SLC12A2: variants seen among roughly 807,000 people sequenced by gnomAD.
SLC12A2 encodes the protein solute carrier family 12 member 2.
A neutral mutation model predicts 136.3 loss-of-function variants in SLC12A2; 67 were observed. The observed-to-expected ratio is 0.49, with a 90% CI of 0.40 to 0.60. The LOEUF (loss-of-function observed/expected upper bound fraction) is 0.60, where lower values mean the gene tolerates loss of function less well. Among genes scored for constraint, SLC12A2 ranks in the 20% least tolerant of loss-of-function variants. The pLI, the probability that SLC12A2 is intolerant of heterozygous loss-of-function variation, is 0.00. For synonymous variants in SLC12A2, 619 were observed against 562.9 expected, an observed-to-expected ratio of 1.10 and a Z score of -1.41; for missense variants, 1,322 against 1,534.7, an observed-to-expected ratio of 0.86 and a Z score of 2.32.
chr5:128,099,692 G>A (rs1760676325), intron 1 of SLC12A2, among the ~76,000 whole-genome samples: 2 of 151,864 alleles, frequency 1.3e-5, no homozygotes, highest in South Asian at 4.1e-4. Context: ...AAAATTTTAG[G>A]TTTGTTTCTT....
At chr5:128,086,863 T>G (rs1041408608) in intron 1 of SLC12A2, among the ~76,000 whole-genome samples, 6 of 152,190 alleles carry the variant, frequency 3.9e-5, no homozygotes, top group Admixed American at 2.6e-4. Context: ...CTAAATTGAC[T>G]TCTACCTCTC....
intron 7 of SLC12A2, among the ~76,000 whole-genome samples, chr5:128,137,123 A>G (rs1762213558): frequency 6.6e-6 from 1 of 152,202 alleles, no homozygotes; most frequent in Non-Finnish European, 1.5e-5. Flanking sequence ...CACAACATTA[A>G]TAGTATATGT....
At chr5:128,118,063 A>C (rs1306252100) in intron 4 of SLC12A2, among the ~76,000 whole-genome samples, 1 of 152,170 alleles carries the variant, frequency 6.6e-6, no homozygotes, top group Non-Finnish European at 1.5e-5. Context: ...AAAATAATAA[A>C]AATAACAGAT....
chr5:128,177,191 A>G (rs748937155), intron 21 of SLC12A2, 39 bp downstream of exon 21: 4 of 1,474,126 alleles, frequency 2.7e-6, no homozygotes, highest in Admixed American at 1.9e-5. Context: ...ACCCTTTTTC[A>G]TACTGTAAAC....
chr5:128,093,611 G>A (rs1421611407), intron 1 of SLC12A2, among the ~76,000 whole-genome samples: 1 of 152,062 alleles, frequency 6.6e-6, no homozygotes, highest in Non-Finnish European at 1.5e-5. Flanking sequence ...AGTCATCCTT[G>A]ACACTTTTCT....
rs372097752 is a variant in SLC12A2, at chr5:128,178,522, T to C, written c.2978-45T>C. 4.2e-6 allele frequency: 6 copies of C among 1,439,552 alleles called. No homozygotes were observed. In the East Asian group the frequency reaches 1.2e-4, roughly 29 times the overall value. 89.2% of individuals were successfully genotyped at this position (1,439,552 alleles called of 1,614,324 possible). On this transcript the variant is annotated intron_variant, in intron 21 of 26. Coordinates refer to ENST00000262461, the MANE Select transcript of SLC12A2 (RefSeq NM_001046.3). ...GATAGGAATTCAGCAAAAGGGACTT[T>C]AATATTTACTTTGCTTACATTTTAT...
At chr5:128,106,862 G>A (rs998183190) in intron 1 of SLC12A2, among the ~76,000 whole-genome samples, 2 of 152,070 alleles carry the variant, frequency 1.3e-5, no homozygotes, top group Non-Finnish European at 2.9e-5. Context: ...CTTAGCCTTA[G>A]AAAAAGTAGC....
chr5:128,132,361 ATAAT>A (rs931703765), intron 5 of SLC12A2, among the ~76,000 whole-genome samples: 2 of 152,208 alleles, frequency 1.3e-5, no homozygotes, highest in African/African-American at 2.4e-5. Context: ...ATTGGATTTG[ATAAT>A]TAATGGGATG....
intron 19 of SLC12A2, among the ~76,000 whole-genome samples, chr5:128,172,654 C>T (rs1763414776): frequency 6.6e-6 from 1 of 152,136 alleles, no homozygotes; most frequent in Non-Finnish European, 1.5e-5. Context: ...ATAATTACTA[C>T]TTTTGCCAAC....
intron 4 of SLC12A2, among the ~76,000 whole-genome samples, chr5:128,130,555 A>G (rs1761980969): frequency 6.8e-6 from 1 of 147,192 alleles, no homozygotes; most frequent in Non-Finnish European, 1.5e-5. Flanking sequence ...GGTGGCACGC[A>G]CCTGTAGTCT....
chr5:128,136,132 C>G (rs1043878367), intron 7 of SLC12A2, among the ~76,000 whole-genome samples: 27 of 152,104 alleles, frequency 1.8e-4, no homozygotes, highest in African/African-American at 6.5e-4. Context: ...ATATGACTTT[C>G]ATTCTTTTAA....
At chr5:128,151,202 G>GA in intron 13 of SLC12A2, 39 bp from the exon 14 acceptor site, 1 of 1,563,356 alleles carries the variant, frequency 6.4e-7, no homozygotes, top group Non-Finnish European at 8.7e-7. Context: ...TAAAGCAGAT[G>GA]AGGTATTTGT....
At chr5:128,097,415 G>GC (rs1245219268) in intron 1 of SLC12A2, among the ~76,000 whole-genome samples, 2 of 151,860 alleles carry the variant, frequency 1.3e-5, no homozygotes, top group Non-Finnish European at 2.9e-5. Context: ...ACCATAACTT[G>GC]CCATTTCATG....
chr5:128,097,977 TTTC>T (rs1207775500), intron 1 of SLC12A2, among the ~76,000 whole-genome samples: 1 of 152,112 alleles, frequency 6.6e-6, no homozygotes, highest in African/African-American at 2.4e-5. Context: ...AGTTGACAGC[TTTC>T]TTCTTTCAGC....
At chr5:128,163,332 C>G (rs1763103048) in intron 17 of SLC12A2, among the ~76,000 whole-genome samples, 1 of 152,030 alleles carries the variant, frequency 6.6e-6, no homozygotes, top group South Asian at 2.1e-4. Flanking sequence ...AGTTCAAGAC[C>G]AGCCTGGCCA....
intron 11 of SLC12A2, 74 bp downstream of exon 11, chr5:128,147,803 A>T: frequency 1.1e-6 from 1 of 899,658 alleles, no homozygotes; most frequent in South Asian, 1.5e-5. Context: ...AATTGTTGCT[A>T]TTTTCAAATT....
intron 19 of SLC12A2, 115 bp downstream of exon 19, chr5:128,171,861 C>A: frequency 1.6e-6 from 1 of 633,120 alleles, no homozygotes; most frequent in African/African-American, 1.9e-5. Flanking sequence ...GTATCGTGGA[C>A]TTATTGTATG....
At chr5:128,131,230 T>G in intron 5 of SLC12A2, 24 bp downstream of exon 5, 1 of 1,612,418 alleles carries the variant, frequency 6.2e-7, no homozygotes, top group African/African-American at 1.3e-5. Context: ...CTTCTAGTCA[T>G]TCGTTTACCA....
chr5:128,169,323 C>T (rs1002098820), intron 18 of SLC12A2: 2 of 152,122 alleles, frequency 1.3e-5, no homozygotes, highest in Non-Finnish European at 1.5e-5. Context: ...TTTTTTCTCA[C>T]TGGAGTTACT....
Sources: allele counts gnomAD v4.1 joint callset (sites outside exome capture counted in the v4.1 genomes callset), GRCh38; gene constraint gnomAD v4.1.1; transcripts MANE v1.5; gene names NCBI Gene and HGNC (gene_info 2026-07-23, HGNC 2026-07-21).